SGMS1: variants seen among roughly 807,000 people sequenced by gnomAD.
SGMS1 encodes phosphatidylcholine:ceramide cholinephosphotransferase 1.
SGMS1 carries 13 observed loss-of-function variants against 46.2 expected under a neutral mutation model. The ratio of observed to expected loss-of-function variants is 0.28; its 90% CI spans 0.18 to 0.45. SGMS1 has a LOEUF of 0.45. SGMS1 is among the 20% of genes least tolerant of loss of function. The probability of loss-of-function intolerance (pLI) is 1.00; values close to 1 mark genes in which losing one functional copy is unlikely to be tolerated. For missense variants in SGMS1, 324 were observed against 519.9 expected (o/e 0.62, Z 3.66); for synonymous variants, 203 against 187.8 (o/e 1.08, Z -0.66).
intron 6 of SGMS1, among the ~76,000 whole-genome samples, chr10:50,423,304 T>C (rs56231310): frequency 0.68 from 102,514 of 151,346 alleles, 35,159 homozygotes; most frequent in East Asian, 0.94. Context: ...CCACTTAATT[T>C]AGCTCTGCAT....
intron 7 of SGMS1, among the ~76,000 whole-genome samples, chr10:50,331,365 A>G (rs903755718): frequency 6.6e-6 from 1 of 152,240 alleles, no homozygotes; most frequent in African/African-American, 2.4e-5. Context: ...AAACTGCATC[A>G]CATTGTGTAA....
chr10:50,503,954 G>C (rs765684120), intron 3 of SGMS1, among the ~76,000 whole-genome samples: 1 of 152,178 alleles, frequency 6.6e-6, no homozygotes, highest in Non-Finnish European at 1.5e-5. Flanking sequence ...TGAAGGCCAG[G>C]CTAGCTGAGT....
intron 5 of SGMS1, among the ~76,000 whole-genome samples, chr10:50,454,327 AAACT>A (rs1269359655): frequency 6.6e-6 from 1 of 152,204 alleles, no homozygotes; most frequent in South Asian, 2.1e-4. Flanking sequence ...AGCATCAGAA[AAACT>A]AACTAATCAG....
At chr10:50,357,924 T>C (rs958458147) in intron 6 of SGMS1, among the ~76,000 whole-genome samples, 5 of 152,194 alleles carry the variant, frequency 3.3e-5, no homozygotes, top group African/African-American at 9.7e-5. Flanking sequence ...ATGAAAGTCC[T>C]ACATGCGTAG....
At chr10:50,440,012 C>A (rs1320309931) in intron 5 of SGMS1, among the ~76,000 whole-genome samples, 1 of 152,254 alleles carries the variant, frequency 6.6e-6, no homozygotes, top group Non-Finnish European at 1.5e-5. Context: ...ATTTTCAGCA[C>A]AAGTAACCAC....
At chr10:50,370,709 C>CA (rs1848421976) in intron 6 of SGMS1, among the ~76,000 whole-genome samples, 2 of 151,250 alleles carry the variant, frequency 1.3e-5, no homozygotes, top group Admixed American at 1.3e-4. Context: ...CCACTGTACT[C>CA]CAGTCTGGCG....
intron 2 of SGMS1, among the ~76,000 whole-genome samples, chr10:50,577,124 C>A (rs1205989911): frequency 6.6e-6 from 1 of 152,150 alleles, no homozygotes; most frequent in Non-Finnish European, 1.5e-5. Flanking sequence ...TTTTGGAAGA[C>A]TCAGGCTGCT....
chr10:50,520,956 G>A (rs187704621), intron 2 of SGMS1, among the ~76,000 whole-genome samples: 1 of 151,530 alleles, frequency 6.6e-6, no homozygotes, highest in African/African-American at 2.4e-5. Flanking sequence ...CATAATCATG[G>A]CTCACTGCAG....
At chr10:50,379,837 C>T (rs1848575624) in intron 6 of SGMS1, among the ~76,000 whole-genome samples, 1 of 152,120 alleles carries the variant, frequency 6.6e-6, no homozygotes, top group Non-Finnish European at 1.5e-5. Context: ...TTGCTTGGGA[C>T]CTGCCCCAAA....
intron 6 of SGMS1, among the ~76,000 whole-genome samples, chr10:50,355,191 C>T (rs546021668): frequency 1.3e-5 from 2 of 152,324 alleles, no homozygotes; most frequent in East Asian, 3.9e-4. Context: ...TTGGAACCAA[C>T]CCAAATGTCC....
chr10:50,476,483 G>GAA (rs1837429233), intron 3 of SGMS1, among the ~76,000 whole-genome samples: 1 of 152,162 alleles, frequency 6.6e-6, no homozygotes, highest in African/African-American at 2.4e-5. Flanking sequence ...TGGTAGAAAA[G>GAA]AAAAACCCAT....
chr10:50,501,111 T>C (rs895463130), intron 3 of SGMS1, among the ~76,000 whole-genome samples: 1 of 152,300 alleles, frequency 6.6e-6, no homozygotes, highest in Admixed American at 6.5e-5. Flanking sequence ...TCATCCCATG[T>C]CATCCTCTCC....
chr10:50,584,649 G>C (rs966727196), intron 2 of SGMS1, among the ~76,000 whole-genome samples: 1 of 152,054 alleles, frequency 6.6e-6, no homozygotes, highest in Non-Finnish European at 1.5e-5. Flanking sequence ...AGAAGCCTAA[G>C]ATTTCAGAGG....
At chr10:50,325,105 G>A (rs759083139) in intron 8 of SGMS1, among the ~76,000 whole-genome samples, 5 of 152,136 alleles carry the variant, frequency 3.3e-5, no homozygotes, top group African/African-American at 1.2e-4. Flanking sequence ...TTTTAGATGC[G>A]TACTAAAGTA....
intron 3 of SGMS1, among the ~76,000 whole-genome samples, chr10:50,483,196 C>T (rs1588848797): frequency 6.6e-6 from 1 of 152,220 alleles, no homozygotes; most frequent in Non-Finnish European, 1.5e-5. Flanking sequence ...TCTCCTGCCT[C>T]AGCCTCCTGA....
At chr10:50,359,297 C>T (rs1848207903) in intron 6 of SGMS1, among the ~76,000 whole-genome samples, 1 of 152,184 alleles carries the variant, frequency 6.6e-6, no homozygotes, top group African/African-American at 2.4e-5. Context: ...GATTTCACAA[C>T]ATCTGAAATA....
intron 1 of SGMS1, among the ~76,000 whole-genome samples, chr10:50,612,098 C>A (rs1208646160): frequency 6.6e-6 from 1 of 152,234 alleles, no homozygotes; most frequent in African/African-American, 2.4e-5. Context: ...TTGTTCTCTA[C>A]CATCCTGCCC....
intron 3 of SGMS1, among the ~76,000 whole-genome samples, chr10:50,509,645 C>T (rs1837737302): frequency 6.6e-6 from 1 of 152,160 alleles, no homozygotes; most frequent in Non-Finnish European, 1.5e-5. Context: ...TTTGTTTTAA[C>T]CTTCCAGCAG....
chr10:50,344,152 T>G lies in SGMS1; in HGVS notation c.-38A>C. 6.4e-7 allele frequency: 1 copy of G among 1,556,080 alleles called. No homozygotes were observed. The highest frequency in any genetic ancestry group is 1.4e-5 in the African/African-American group (1 of 73,590). On this transcript the variant is annotated 5_prime_UTR_variant, in exon 7 of 11. Coordinates refer to ENST00000361781, the MANE Select transcript of SGMS1 (RefSeq NM_147156.4). The stretch of plus-strand genomic sequence containing the variant: ...CAGCAGGCAGTCCCCAGCTCTCTCT[T>G]GGCAGGTCAGCAGTCACTGTTCCGA...
Sources: allele counts gnomAD v4.1 joint callset (sites outside exome capture counted in the v4.1 genomes callset), GRCh38; gene constraint gnomAD v4.1.1; transcripts MANE v1.5; gene names NCBI Gene and HGNC (gene_info 2026-07-23, HGNC 2026-07-21).